VWA3A: variants seen among roughly 807,000 people sequenced by gnomAD.
VWA3A encodes von Willebrand factor A domain-containing protein 3A.
In VWA3A, 134 loss-of-function variants were observed where a neutral mutation model predicts 160.4. The ratio of observed to expected loss-of-function variants is 0.84; its 90% CI spans 0.73 to 0.96. VWA3A has a LOEUF of 0.96. Ranked by LOEUF, VWA3A falls within the 40% of genes least tolerant of loss-of-function variation. The pLI is 0.00. For missense variants in VWA3A, 1,310 were observed against 1,447.9 expected (o/e 0.90, Z 1.55); for synonymous variants, 476 against 543.4 (o/e 0.88, Z 1.72).
rs550551429 is a variant in VWA3A at position 22,123,542 on chromosome 16, C to T, written c.1438-71C>T. Reference sequence around the variant, plus strand: ...ATTCCCTGAAGCCCACCCAGGTACACGTACTTCCCCTCAGGCCCCTTGGTT... The same window carrying T: ...ATTCCCTGAAGCCCACCCAGGTACATGTACTTCCCCTCAGGCCCCTTGGTT... On this transcript the variant is annotated intron_variant, in intron 15 of 33. Coordinates refer to ENST00000389398, the MANE Select transcript of VWA3A (RefSeq NM_173615.5). The T allele has an allele frequency of 3.1e-5, 50 of 1,612,102 alleles. No homozygotes were observed. The Middle Eastern group carries it at 5.0e-4, about 16-fold the overall frequency.
At chr16:22,149,756 G>T in intron 28 of VWA3A, 31 bp from the exon 29 acceptor site, 1 of 1,571,278 alleles carries the variant, frequency 6.4e-7, no homozygotes, top group Non-Finnish European at 8.7e-7. Flanking sequence ...CCCCTTCTCT[G>T]CCCCTCACCT....
Position 22,116,756 on chromosome 16 carries a change from C to A in VWA3A, c.816-3C>A, listed in dbSNP as rs769958006. On this transcript the variant is annotated splice_polypyrimidine_tract_variant and splice_region_variant and intron_variant, in intron 9 of 33. Coordinates refer to ENST00000389398, the MANE Select transcript of VWA3A (RefSeq NM_173615.5). ...TTCCACTTCTCTTCTGCCTTCTCCA[C>A]AGCCCAGATCAGCCTTCTGAAATCC... The A allele has an allele frequency of 1.2e-6, 2 of 1,612,156 alleles. No homozygotes were observed. Among genetic ancestry groups the A allele is most frequent in the Non-Finnish European group, 1.7e-6 (2 of 1,179,336 alleles).
intron 9 of VWA3A, chr16:22,116,216 G>A: frequency 2.8e-6 from 1 of 356,338 alleles, no homozygotes; most frequent in Admixed American, 4.8e-5. Context: ...AAAGAAGGAA[G>A]AGAAGGAAGG....
chr16:22,123,793 G>C, intron 16 of VWA3A, 86 bp downstream of exon 16: 1 of 1,277,032 alleles, frequency 7.8e-7, no homozygotes, highest in South Asian at 1.4e-5. Context: ...CCTGTTGGTA[G>C]CATCAGAAGC....
At chr16:22,130,548 A>C (rs1347458922) in intron 17 of VWA3A, among the ~76,000 whole-genome samples, 2 of 152,184 alleles carry the variant, frequency 1.3e-5, no homozygotes, top group African/African-American at 2.4e-5. Context: ...CTCTTCTCAA[A>C]GATCTTAAAT....
Position 22,138,521 on chromosome 16 carries a change from C to T in VWA3A, c.2292+9C>T. On this transcript the variant is annotated intron_variant, in intron 22 of 33. Coordinates refer to ENST00000389398, the MANE Select transcript of VWA3A (RefSeq NM_173615.5). Reference sequence around the variant, plus strand: ...CCCTGGGGGCCAGAATGGTTTGACTCCCCTCCTAATAACACGCAGAAGATT... The same window carrying T: ...CCCTGGGGGCCAGAATGGTTTGACTTCCCTCCTAATAACACGCAGAAGATT... 6.2e-7 allele frequency: 1 copy of T among 1,613,678 alleles called. No individual in the cohort carries two copies. Among genetic ancestry groups the T allele is most frequent in the South Asian group, 1.1e-5 (1 of 91,040 alleles).
chr16:22,147,729 T>C, intron 27 of VWA3A: 1 of 698,080 alleles, frequency 1.4e-6, no homozygotes, highest in South Asian at 1.5e-5. Context: ...CTGGGAACGG[T>C]GACATAAAAC....
intron 27 of VWA3A, chr16:22,147,772 TC>T: frequency 1.5e-6 from 1 of 673,426 alleles, no homozygotes. Context: ...GTAGTATGAA[TC>T]CCCCAGCTCA....
At chr16:22,098,866 G>A (rs1408236957) in intron 3 of VWA3A, among the ~76,000 whole-genome samples, 4 of 130,974 alleles carry the variant, frequency 3.1e-5, no homozygotes, top group Non-Finnish European at 6.1e-5. Flanking sequence ...CTTGAGTCCC[G>A]AAGTTTGAGG....
intron 28 of VWA3A, 21 bp downstream of exon 28, chr16:22,148,327 A>C (rs1352883808): frequency 1.9e-6 from 3 of 1,579,338 alleles, no homozygotes; most frequent in Middle Eastern, 1.7e-4. Flanking sequence ...AGGGCTGATC[A>C]GGAAGATCAA....
chr16:22,116,007 TAAGA>T (rs1487536538), intron 9 of VWA3A, among the ~76,000 whole-genome samples: 1 of 103,134 alleles, frequency 9.7e-6, no homozygotes, highest in African/African-American at 3.8e-5. Context: ...GAGAGAGAGA[TAAGA>T]AAGAAGAAAG....
In VWA3A at chr16:22,123,841, ACCC is replaced by A. The variant is rs548582624; in HGVS notation, c.1532+137_1532+139del. The A allele has an allele frequency of 1.8e-3, 1,417 of 799,948 alleles. 5 individuals carry two copies. Among genetic ancestry groups the A allele is most frequent in the Non-Finnish European group, 2.5e-3 (1,268 of 507,830 alleles). 49.6% of individuals were successfully genotyped at this position (799,948 alleles called of 1,614,324 possible). A position where few individuals can be genotyped will look rare whatever the true frequency, so the allele number is the denominator to read the frequency against. On this transcript the variant is annotated intron_variant, in intron 16 of 33. Transcript: ENST00000389398. ...TAGGGATTAGGAATCTCTCAGCAGAACCCCCAGAGGAGGAAAAAGTCACCAACA... is the reference window on the plus strand; with the variant it reads ...TAGGGATTAGGAATCTCTCAGCAGAACCAGAGGAGGAAAAAGTCACCAACA...
intron 8 of VWA3A, among the ~76,000 whole-genome samples, chr16:22,113,171 A>T (rs921804725): frequency 2.6e-5 from 4 of 151,058 alleles, no homozygotes; most frequent in Admixed American, 2.6e-4. Flanking sequence ...TTTATTTTTT[A>T]TTTATTTGGT....
chr16:22,147,244 G>A (rs370503004), intron 27 of VWA3A, among the ~76,000 whole-genome samples: 5 of 152,008 alleles, frequency 3.3e-5, no homozygotes, highest in Admixed American at 2.0e-4. Flanking sequence ...GGCTGGCCCC[G>A]AACTCCTAGG....
chr16:22,135,738 C>T (rs1019074560), intron 21 of VWA3A, among the ~76,000 whole-genome samples: 2 of 152,162 alleles, frequency 1.3e-5, no homozygotes, highest in African/African-American at 4.8e-5. Context: ...TCCTTCCCAT[C>T]CCAGACCTTT....
intron 25 of VWA3A, among the ~76,000 whole-genome samples, chr16:22,143,568 C>A (rs2046191692): frequency 1.3e-5 from 2 of 152,092 alleles, no homozygotes; most frequent in Admixed American, 1.3e-4. Context: ...TTAGACCAAT[C>A]AGGGCTTTCC....
chr16:22,116,964 T>A, intron 10 of VWA3A, 97 bp downstream of exon 10: 1 of 1,409,256 alleles, frequency 7.1e-7, no homozygotes, highest in Non-Finnish European at 9.9e-7. Flanking sequence ...CCCCGAGCTG[T>A]GGACCAGAAT....
At chr16:22,151,017 C>T (rs187011662) in intron 30 of VWA3A, among the ~76,000 whole-genome samples, 171 bp downstream of exon 30, 3 of 152,236 alleles carry the variant, frequency 2.0e-5, no homozygotes, top group Non-Finnish European at 2.9e-5. Flanking sequence ...TGCTGGCTCA[C>T]GCCTGTAATC....
At chr16:22,110,129 C>G (rs1174022231) in intron 7 of VWA3A, among the ~76,000 whole-genome samples, 1 of 152,222 alleles carries the variant, frequency 6.6e-6, no homozygotes, top group East Asian at 1.9e-4. Context: ...ACTAATCTCT[C>G]TGTGCCTTAC....
Sources: allele counts gnomAD v4.1 joint callset (sites outside exome capture counted in the v4.1 genomes callset), GRCh38; gene constraint gnomAD v4.1.1; transcripts MANE v1.5; gene names NCBI Gene and HGNC (gene_info 2026-07-23, HGNC 2026-07-21).